DNAJC13: variants seen among roughly 807,000 people sequenced by gnomAD.
The protein encoded by DNAJC13 is dnaJ homolog subfamily C member 13.
A neutral mutation model predicts 290.5 loss-of-function variants in DNAJC13; 75 were observed. The observed-to-expected ratio is 0.26, with a 90% CI of 0.21 to 0.31. DNAJC13 has a LOEUF of 0.31. Among genes scored for constraint, DNAJC13 ranks in the 10% least tolerant of loss-of-function variants. The probability of loss-of-function intolerance (pLI) is 1.00; values close to 1 mark genes in which losing one functional copy is unlikely to be tolerated. For synonymous variants in DNAJC13, 862 were observed against 892.0 expected (o/e 0.97, Z 0.60); for missense variants, 2,260 against 2,674.5 (o/e 0.85, Z 3.42).
In DNAJC13 at chr3:132,523,561, G is replaced by C; in HGVS notation, c.5908G>C (p.Val1970Leu). Residue 1970 changes from valine (V) to leucine (L), a missense_variant, in exon 51 of 56, where the codon GTG becomes CTG. Transcript: ENST00000260818. ...AAAGTTGCCTGAAGATTTTGCTGTG[G>C]TGTTTGGAGAAGCAGAGGGTGAACT... ...NWKLPEDFAVVFGEAEGELAV... is the reference protein window; with the variant it reads ...NWKLPEDFAVLFGEAEGELAV... The C allele has an allele frequency of 6.2e-7, 1 of 1,613,622 alleles. No homozygotes were observed. The highest frequency in any genetic ancestry group is 8.5e-7 in the Non-Finnish European group (1 of 1,179,864).
intron 41 of DNAJC13, among the ~76,000 whole-genome samples, chr3:132,504,348 T>C (rs1935521095): frequency 6.6e-6 from 1 of 151,764 alleles, no homozygotes; most frequent in South Asian, 2.1e-4. Context: ...TTGTTTTTAC[T>C]ATTTTTCCTA....
intron 55 of DNAJC13, among the ~76,000 whole-genome samples, chr3:132,536,595 G>A (rs765846614): frequency 8.5e-5 from 13 of 152,206 alleles, no homozygotes; most frequent in Non-Finnish European, 1.9e-4. Flanking sequence ...AGTCTGGAGT[G>A]TTTGAGGTCT....
chr3:132,515,253 T>G (rs1412295950), intron 46 of DNAJC13, among the ~76,000 whole-genome samples: 1 of 152,192 alleles, frequency 6.6e-6, no homozygotes, highest in African/African-American at 2.4e-5. Flanking sequence ...ACAATATAAC[T>G]TCAAACTCAG....
chr3:132,498,909 G>T (rs1410919789), intron 36 of DNAJC13, among the ~76,000 whole-genome samples: 1 of 151,852 alleles, frequency 6.6e-6, no homozygotes, highest in East Asian at 1.9e-4. Flanking sequence ...GTAGAGAAAG[G>T]GTTTCACTGT....
intron 55 of DNAJC13, chr3:132,537,276 T>C (rs1936623350): frequency 8.8e-6 from 4 of 454,980 alleles, no homozygotes; most frequent in Admixed American, 2.4e-5. Flanking sequence ...GGTAGAGAAA[T>C]GTTTTGCTAA....
chr3:132,461,281 A>G (rs1576473320), intron 15 of DNAJC13, 76 bp downstream of exon 15: 1 of 1,501,726 alleles, frequency 6.7e-7, no homozygotes, highest in African/African-American at 1.4e-5. Context: ...TTTCTAAGAT[A>G]ACATTTGCAT....
intron 5 of DNAJC13, among the ~76,000 whole-genome samples, chr3:132,448,359 TA>T (rs1933320068): frequency 6.6e-6 from 1 of 152,190 alleles, no homozygotes; most frequent in African/African-American, 2.4e-5. Context: ...ACTGTCTTCT[TA>T]CATGTTCTTG....
chr3:132,489,930 T>C (rs1033928044), intron 31 of DNAJC13, among the ~76,000 whole-genome samples: 2 of 152,254 alleles, frequency 1.3e-5, no homozygotes, highest in African/African-American at 4.8e-5. Context: ...TGTGCCATTA[T>C]GCATATTGTA....
At chr3:132,450,887 T>C in intron 6 of DNAJC13, 40 bp downstream of exon 6, 1 of 1,228,736 alleles carries the variant, frequency 8.1e-7, no homozygotes, top group East Asian at 2.4e-5. Flanking sequence ...TTTAAAAGGG[T>C]CATGACCATT....
intron 31 of DNAJC13, among the ~76,000 whole-genome samples, chr3:132,489,365 A>G (rs1352390867): frequency 6.6e-6 from 1 of 152,098 alleles, no homozygotes; most frequent in African/African-American, 2.4e-5. Context: ...ATCGTCAGCT[A>G]AGATTCAGGA....
At chr3:132,471,234 G>A (rs1178506803) in intron 20 of DNAJC13, among the ~76,000 whole-genome samples, 8 of 133,844 alleles carry the variant, frequency 6.0e-5, no homozygotes, top group South Asian at 2.5e-4. Context: ...GCGGCTGGCC[G>A]GGCGGGGGGC....
chr3:132,440,979 G>A lies in DNAJC13; in HGVS notation c.69-5496G>A, dbSNP rs537704394. On this transcript the variant is annotated intron_variant, in intron 2 of 55. Coordinates refer to ENST00000260818, the MANE Select transcript of DNAJC13 (RefSeq NM_015268.4). ...CATTAATCTCCTAAGAAATGTTGTA[G>A]GTCAGTTATCCTTAATTTCATTATT... 9.9e-5 allele frequency among the ~76,000 whole-genome samples: 15 copies of A among 152,248 alleles called. No homozygotes were observed. The South Asian group carries it at 3.1e-3, about 32-fold the overall frequency.
In DNAJC13 at chr3:132,496,525, C is replaced by A; in HGVS notation, c.4021-3C>A. On this transcript the variant is annotated splice_region_variant and splice_polypyrimidine_tract_variant and intron_variant, in intron 35 of 55. Coordinates refer to ENST00000260818, the MANE Select transcript of DNAJC13 (RefSeq NM_015268.4). ...ACGTTAAATTATCTTCTGTTACATA[C>A]AGGACATGTTTGAAAAAGTAAATAA... The A allele has an allele frequency of 6.3e-7, 1 of 1,591,188 alleles. No homozygotes were observed. Among genetic ancestry groups the A allele is most frequent in the Non-Finnish European group, 8.5e-7 (1 of 1,169,692 alleles).
rs1485152508 is a variant in DNAJC13, at chr3:132,516,502, G to T, written c.5560+6G>T. 1.2e-6 allele frequency: 2 copies of T among 1,613,286 alleles called. No individual in the cohort carries two copies. Among genetic ancestry groups the T allele is most frequent in the Non-Finnish European group, 1.7e-6 (2 of 1,179,458 alleles). On this transcript the variant is annotated splice_donor_region_variant and intron_variant, in intron 47 of 55. Coordinates refer to ENST00000260818, the MANE Select transcript of DNAJC13 (RefSeq NM_015268.4). Reference sequence around the variant, plus strand: ...CAAAGAAGCAATGGCAAAGGGTAATGTATAGAGTGCTTTCTTAGCTAGTCA... The same window carrying T: ...CAAAGAAGCAATGGCAAAGGGTAATTTATAGAGTGCTTTCTTAGCTAGTCA...
At position 132,471,931 on chromosome 3, in the gene DNAJC13, G is replaced by A. The variant is rs200549684; in HGVS notation, c.2209-1214G>A. Among the ~76,000 whole-genome samples, 211 of 144,338 alleles carry A rather than the reference G, an allele frequency of 1.5e-3. 2 individuals are homozygous for A. In the East Asian group the frequency reaches 0.034, roughly 24 times the overall value. 94.7% of individuals were successfully genotyped at this position (144,338 alleles called of 152,430 possible). ...GTAGGTTGTAGTGAGCCGAGATCAC[G>A]CCACTGCACTCCAGCCTGGGCACCA... On this transcript the variant is annotated intron_variant, in intron 20 of 55. Transcript: ENST00000260818.
intron 34 of DNAJC13, 112 bp downstream of exon 34, chr3:132,494,371 T>A: frequency 1.2e-6 from 1 of 809,708 alleles, no homozygotes; most frequent in Non-Finnish European, 2.1e-6. Flanking sequence ...TATACTTTGA[T>A]ATATACACCT....
At chr3:132,427,131 A>ATTT (rs1388876059) in intron 1 of DNAJC13, among the ~76,000 whole-genome samples, 3 of 137,350 alleles carry the variant, frequency 2.2e-5, no homozygotes, top group African/African-American at 8.7e-5. Flanking sequence ...ATATATATAT[A>ATTT]TATTTTTTTT....
At chr3:132,493,717 C>T (rs954167366) in intron 33 of DNAJC13, among the ~76,000 whole-genome samples, 2 of 152,002 alleles carry the variant, frequency 1.3e-5, no homozygotes, top group African/African-American at 4.8e-5. Context: ...CCTTGAGAAG[C>T]ACACCACAAT....
intron 5 of DNAJC13, among the ~76,000 whole-genome samples, chr3:132,449,815 G>A (rs141907358): frequency 3.5e-4 from 54 of 152,172 alleles, no homozygotes; most frequent in African/African-American, 1.3e-3. Context: ...AGAAAACTGC[G>A]GTGTTTGGGT....
Sources: gnomAD v4.1 joint callset for allele counts (sites outside exome capture counted in the v4.1 genomes callset) on GRCh38, gnomAD v4.1.1 for gene constraint, MANE v1.5 for transcripts, NCBI Gene and HGNC (gene_info 2026-07-23, HGNC 2026-07-21) for gene names.